The following CCSER1 variants were observed in gnomAD, a reference collection of about 807,000 sequenced individuals.
CCSER1 encodes the protein serine-rich coiled-coil domain-containing protein 1.
Under a neutral mutation model 82.0 loss-of-function variants are expected in CCSER1, and 41 were observed. That is an observed-to-expected ratio of 0.50 (90% CI 0.39 to 0.65). The LOEUF is 0.65. Ranked by LOEUF, CCSER1 falls within the 30% of genes least tolerant of loss-of-function variation. CCSER1 has a pLI of 0.00. For missense variants in CCSER1, 1,119 were observed against 1,064.2 expected (o/e 1.05, Z -0.72); for synonymous variants, 414 against 383.9 (o/e 1.08, Z -0.92).
intron 4 of CCSER1, among the ~76,000 whole-genome samples, chr4:90,404,359 C>T (rs373465083): frequency 2.3e-4 from 35 of 152,224 alleles, no homozygotes; most frequent in East Asian, 1.5e-3. Context: ...ATCCCTACCC[C>T]CACCTGGTGG....
Position 90,937,504 on chromosome 4 carries a change from AAC to A in CCSER1, c.2172+14068_2172+14069del, listed in dbSNP as rs1731095719. ...AAACACACACACACACACACACACAAACACACACACACTGAATGGCTCAATAA... is the reference window on the plus strand; with the variant it reads ...AAACACACACACACACACACACACAAACACACACACTGAATGGCTCAATAA... On this transcript the variant is annotated intron_variant, in intron 9 of 10. Coordinates refer to ENST00000509176, the MANE Select transcript of CCSER1 (RefSeq NM_001145065.2). Among the ~76,000 whole-genome samples, 9 of 77,784 alleles carry A rather than the reference AAC, an allele frequency of 1.2e-4. No individual in the cohort carries two copies. The South Asian group carries it at 3.4e-3, about 29-fold the overall frequency. 51.0% of individuals were successfully genotyped at this position (77,784 alleles called of 152,430 possible).
At chr4:90,383,570 G>A (rs972167719) in intron 3 of CCSER1, among the ~76,000 whole-genome samples, 7 of 152,138 alleles carry the variant, frequency 4.6e-5, no homozygotes, top group Non-Finnish European at 8.8e-5. Context: ...TAGTATTTGA[G>A]AAGATTACCT....
At chr4:90,551,678 TTCTCTC>T (rs71596530) in intron 5 of CCSER1, among the ~76,000 whole-genome samples, 40 of 88,564 alleles carry the variant, frequency 4.5e-4, no homozygotes, top group East Asian at 1.4e-3. Context: ...AAAAATATAA[TTCTCTC>T]TCTCTCTCTC....
chr4:90,225,231 ATTTTTTTTTTTT>A (rs57188209), intron 1 of CCSER1, among the ~76,000 whole-genome samples: 3 of 111,870 alleles, frequency 2.7e-5, no homozygotes, highest in East Asian at 4.9e-4. Context: ...TACCCGGCTA[ATTTTTTTTTTTT>A]TTTTTTTTTT....
chr4:91,361,000 T>G (rs2149312256), intron 10 of CCSER1, among the ~76,000 whole-genome samples: 2 of 152,006 alleles, frequency 1.3e-5, no homozygotes, highest in Middle Eastern at 6.8e-3. Flanking sequence ...AATGAAATTC[T>G]TCAGCTTTCA....
intron 10 of CCSER1, among the ~76,000 whole-genome samples, chr4:91,215,896 G>A (rs1284226870): frequency 6.6e-6 from 1 of 152,200 alleles, no homozygotes; most frequent in Admixed American, 6.5e-5. Flanking sequence ...TTGAGGATCT[G>A]CAAAGTGGCC....
rs1328124074 is a variant in CCSER1, at chr4:90,956,789, A to G, written c.2172+33342A>G. On this transcript the variant is annotated intron_variant, in intron 9 of 10. Transcript: ENST00000509176. ...TTCTTTTTTTTTTTTTTTTCTTTAA[A>G]AGACAGTATTTTAACTCTGTCACCC... Among the ~76,000 whole-genome samples, 4 of 150,520 alleles carry G rather than the reference A, an allele frequency of 2.7e-5. No homozygotes were observed. In the East Asian group the frequency reaches 7.8e-4, roughly 29 times the overall value.
At chr4:91,337,972 C>T (rs1428867193) in intron 10 of CCSER1, among the ~76,000 whole-genome samples, 1 of 152,080 alleles carries the variant, frequency 6.6e-6, no homozygotes, top group Admixed American at 6.6e-5. Flanking sequence ...TGTTTTGGCC[C>T]CAGCCTTGTA....
chr4:90,296,475 G>A (rs1045574368), intron 1 of CCSER1, among the ~76,000 whole-genome samples: 20 of 152,098 alleles, frequency 1.3e-4, no homozygotes, highest in African/African-American at 4.8e-4. Flanking sequence ...TTCTTTTGCT[G>A]TGCAGAAGCT....
chr4:91,168,264 G>A (rs1732353135), intron 10 of CCSER1, among the ~76,000 whole-genome samples: 1 of 142,142 alleles, frequency 7.0e-6, no homozygotes, highest in Non-Finnish European at 1.5e-5. Flanking sequence ...CCATCATCTG[G>A]GAAGTGAGGA....
intron 10 of CCSER1, among the ~76,000 whole-genome samples, chr4:91,463,832 C>G (rs1387856925): frequency 6.6e-6 from 1 of 152,162 alleles, no homozygotes; most frequent in Non-Finnish European, 1.5e-5. Flanking sequence ...TGAACAAAGC[C>G]TCCAAGAAAT....
At chr4:90,699,966 G>A (rs571567465) in intron 6 of CCSER1, among the ~76,000 whole-genome samples, 1 of 151,600 alleles carries the variant, frequency 6.6e-6, no homozygotes, top group Non-Finnish European at 1.5e-5. Context: ...ATCTGCCAGT[G>A]CAATCTGCTT....
chr4:90,888,213 T>C (rs1373959094), intron 8 of CCSER1, among the ~76,000 whole-genome samples: 3 of 152,122 alleles, frequency 2.0e-5, no homozygotes, highest in Non-Finnish European at 4.4e-5. Flanking sequence ...TACAGTTGAA[T>C]TCAAAAAAAT....
Position 90,598,494 on chromosome 4 carries a change from A to G in CCSER1, c.1725-29531A>G, listed in dbSNP as rs193289456. On this transcript the variant is annotated intron_variant, in intron 5 of 10. Coordinates refer to ENST00000509176, the MANE Select transcript of CCSER1 (RefSeq NM_001145065.2). ...ATATTTGTTATCTCTTACCTTTTTG[A>G]TAATAGCCATCCTAACATGTGTGAG... Among the ~76,000 whole-genome samples the G allele has an allele frequency of 3.9e-3, 596 of 152,192 alleles. 17 individuals are homozygous for G. The highest frequency in any genetic ancestry group is 0.035 in the Admixed American group (528 of 15,274).
At chr4:90,805,157 T>C (rs1437840210) in intron 7 of CCSER1, among the ~76,000 whole-genome samples, 3 of 152,190 alleles carry the variant, frequency 2.0e-5, no homozygotes, top group African/African-American at 7.2e-5. Context: ...AACTATAATT[T>C]TATTTAGTTC....
At chr4:90,790,562 C>G (rs1272467772) in intron 7 of CCSER1, among the ~76,000 whole-genome samples, 2 of 151,976 alleles carry the variant, frequency 1.3e-5, no homozygotes, top group East Asian at 3.9e-4. Context: ...TTTTTCCCCC[C>G]AGAATGCTTT....
chr4:91,529,548 T>C (rs1578707522), intron 10 of CCSER1, among the ~76,000 whole-genome samples: 1 of 152,108 alleles, frequency 6.6e-6, no homozygotes, highest in Non-Finnish European at 1.5e-5. Flanking sequence ...AGCTTGGGAA[T>C]CATGTAAAAG....
intron 6 of CCSER1, among the ~76,000 whole-genome samples, chr4:90,636,494 C>T (rs578042096): frequency 6.6e-6 from 1 of 151,662 alleles, no homozygotes; most frequent in African/African-American, 2.4e-5. Flanking sequence ...TTAGTAAATA[C>T]GTGTAGCAAT....
chr4:91,024,424 TTA>T (rs1197492836), intron 9 of CCSER1, among the ~76,000 whole-genome samples: 11 of 152,086 alleles, frequency 7.2e-5, no homozygotes, highest in African/African-American at 2.7e-4. Flanking sequence ...TGTAATACAT[TTA>T]TTTTTTTTAA....
Sources: gnomAD v4.1 joint callset for allele counts (sites outside exome capture counted in the v4.1 genomes callset) on GRCh38, gnomAD v4.1.1 for gene constraint, MANE v1.5 for transcripts, NCBI Gene and HGNC (gene_info 2026-07-23, HGNC 2026-07-21) for gene names.